CACNA2D3: variants seen among roughly 807,000 people sequenced by gnomAD.
The protein encoded by CACNA2D3 is calcium voltage-gated channel auxiliary subunit alpha2delta 3.
In CACNA2D3, 60 loss-of-function variants were observed where a neutral mutation model predicts 160.6. The ratio of observed to expected loss-of-function variants is 0.37; its 90% CI spans 0.30 to 0.46. The LOEUF (loss-of-function observed/expected upper bound fraction) is 0.46, where lower values mean the gene tolerates loss of function less well. Among genes scored for constraint, CACNA2D3 ranks in the 20% least tolerant of loss-of-function variants. The pLI, the probability that CACNA2D3 is intolerant of heterozygous loss-of-function variation, is 1.00. For synonymous variants in CACNA2D3, 558 were observed against 492.9 expected (o/e 1.13, Z -1.75); for missense variants, 1,205 against 1,365.0 (o/e 0.88, Z 1.85).
In CACNA2D3 at chr3:54,610,284, C is replaced by T. The variant is rs542569711; in HGVS notation, c.964-17503C>T. Among the ~76,000 whole-genome samples, 4 of 152,302 alleles carry T rather than the reference C, an allele frequency of 2.6e-5. 1 individual carries two copies. In the South Asian group the frequency reaches 8.3e-4, roughly 32 times the overall value. ...GCAGGACACAATTTAACCCATAATACCTGCCAAGTACTTTGCAATGATTGG... is the reference window on the plus strand; with the variant it reads ...GCAGGACACAATTTAACCCATAATATCTGCCAAGTACTTTGCAATGATTGG... On this transcript the variant is annotated intron_variant, in intron 9 of 37. Coordinates refer to ENST00000474759, the MANE Select transcript of CACNA2D3 (RefSeq NM_018398.3).
chr3:54,678,034 G>A (rs1020101726), intron 11 of CACNA2D3, among the ~76,000 whole-genome samples: 1 of 152,098 alleles, frequency 6.6e-6, no homozygotes, highest in African/African-American at 2.4e-5. Flanking sequence ...AGGAAAAGAC[G>A]GAGGGAGTGG....
At chr3:54,342,734 G>A (rs1404709653) in intron 3 of CACNA2D3, among the ~76,000 whole-genome samples, 1 of 152,230 alleles carries the variant, frequency 6.6e-6, no homozygotes, top group Non-Finnish European at 1.5e-5. Flanking sequence ...AATAACGAGA[G>A]TGTCTAAGGT....
intron 2 of CACNA2D3, among the ~76,000 whole-genome samples, chr3:54,301,910 T>C (rs1172918716): frequency 6.6e-6 from 1 of 152,220 alleles, no homozygotes; most frequent in Non-Finnish European, 1.5e-5. Context: ...AGATACCTTA[T>C]GTAGATCTGA....
intron 2 of CACNA2D3, among the ~76,000 whole-genome samples, chr3:54,212,402 G>A (rs1402974717): frequency 1.3e-5 from 2 of 152,178 alleles, no homozygotes; most frequent in Non-Finnish European, 2.9e-5. Flanking sequence ...TTGGCAGTCG[G>A]TTGTAAGAGT....
At chr3:54,815,672 T>C (rs1451016144) in intron 13 of CACNA2D3, among the ~76,000 whole-genome samples, 1 of 152,198 alleles carries the variant, frequency 6.6e-6, no homozygotes, top group Non-Finnish European at 1.5e-5. Flanking sequence ...GGCAGCACAG[T>C]CCTATGATTG....
intron 31 of CACNA2D3, among the ~76,000 whole-genome samples, chr3:54,991,403 A>G (rs970757033): frequency 4.6e-5 from 7 of 151,888 alleles, no homozygotes; most frequent in African/African-American, 9.7e-5. Flanking sequence ...TTGTATTTTT[A>G]GTAGAGACGG....
intron 11 of CACNA2D3, among the ~76,000 whole-genome samples, chr3:54,666,811 C>A (rs533739057): frequency 6.6e-6 from 1 of 152,264 alleles, no homozygotes; most frequent in East Asian, 1.9e-4. Flanking sequence ...CCTGGTAGTA[C>A]GAGGGGAACT....
intron 2 of CACNA2D3, among the ~76,000 whole-genome samples, chr3:54,172,807 A>G (rs1463880571): frequency 1.3e-5 from 2 of 152,216 alleles, no homozygotes; most frequent in South Asian, 2.1e-4. Flanking sequence ...CATATTTTCT[A>G]TGCTGAACAT....
chr3:54,147,952 G>A (rs746725717), intron 2 of CACNA2D3, among the ~76,000 whole-genome samples: 7 of 152,204 alleles, frequency 4.6e-5, no homozygotes, highest in Non-Finnish European at 8.8e-5. Context: ...GACTATAGGC[G>A]TGTGCCACCA....
At chr3:54,751,215 T>C (rs1701851109) in intron 11 of CACNA2D3, among the ~76,000 whole-genome samples, 1 of 152,146 alleles carries the variant, frequency 6.6e-6, no homozygotes, top group South Asian at 2.1e-4. Context: ...GAGAGGTCTG[T>C]CTGCCTGCCC....
intron 11 of CACNA2D3, among the ~76,000 whole-genome samples, chr3:54,721,766 A>AAG: frequency 6.6e-6 from 1 of 151,118 alleles, no homozygotes; most frequent in South Asian, 2.1e-4. Flanking sequence ...CCATCTCAAA[A>AAG]AAAAAAAAAA....
At chr3:54,607,453 C>T (rs946079703) in intron 9 of CACNA2D3, among the ~76,000 whole-genome samples, 3 of 152,112 alleles carry the variant, frequency 2.0e-5, no homozygotes, top group African/African-American at 7.2e-5. Flanking sequence ...GCCGGACTCC[C>T]TGCATCATTG....
chr3:55,036,146 A>AT (rs1465081389), intron 35 of CACNA2D3, among the ~76,000 whole-genome samples: 1 of 152,182 alleles, frequency 6.6e-6, no homozygotes, highest in Non-Finnish European at 1.5e-5. Flanking sequence ...TCTATTAACC[A>AT]TAAAATGAAA....
intron 9 of CACNA2D3, among the ~76,000 whole-genome samples, chr3:54,605,155 C>T (rs1575376346): frequency 6.6e-6 from 1 of 152,178 alleles, no homozygotes; most frequent in Non-Finnish European, 1.5e-5. Context: ...ACCTGGTCAT[C>T]TTTTCTAAAG....
At chr3:54,959,775 A>G (rs1701987077) in intron 27 of CACNA2D3, among the ~76,000 whole-genome samples, 1 of 152,168 alleles carries the variant, frequency 6.6e-6, no homozygotes, top group Non-Finnish European at 1.5e-5. Flanking sequence ...TGAAAACTTT[A>G]TTGAAATAAT....
chr3:54,918,332 C>CTTTTTTTT (rs533596688), intron 27 of CACNA2D3: 3,544 of 227,922 alleles, frequency 0.016, 371 homozygotes, highest in Non-Finnish European at 0.02. Context: ...TTTTTTTTTT[C>CTTTTTTTT]TTTTTTTTTT....
chr3:54,280,019 A>G (rs964504665), intron 2 of CACNA2D3, among the ~76,000 whole-genome samples: 1 of 152,142 alleles, frequency 6.6e-6, no homozygotes, highest in Non-Finnish European at 1.5e-5. Context: ...CTTTGATACA[A>G]CTAAGCATAA....
intron 9 of CACNA2D3, chr3:54,626,299 T>C: frequency 1.3e-6 from 2 of 1,534,388 alleles, no homozygotes; most frequent in Non-Finnish European, 1.8e-6. Flanking sequence ...GGACATGTCC[T>C]ACAAGCGGCT....
At chr3:54,918,526 G>C in intron 27 of CACNA2D3, 1 of 1,613,686 alleles carries the variant, frequency 6.2e-7, no homozygotes, top group Non-Finnish European at 8.5e-7. Context: ...TTGAGCCAAG[G>C]GTCCCCCATG....
Sources: gnomAD v4.1 joint callset for allele counts (sites outside exome capture counted in the v4.1 genomes callset) on GRCh38, gnomAD v4.1.1 for gene constraint, MANE v1.5 for transcripts, NCBI Gene and HGNC (gene_info 2026-07-23, HGNC 2026-07-21) for gene names.